The following FGF7 variants were observed in gnomAD, a reference collection of about 807,000 sequenced individuals.
FGF7 encodes the protein FGF-7.
FGF7 carries 6 observed loss-of-function variants against 20.5 expected under a neutral mutation model. That is an observed-to-expected ratio of 0.29 (90% CI 0.16 to 0.58). FGF7 has a LOEUF of 0.58. Among genes scored for constraint, FGF7 ranks in the 20% least tolerant of loss-of-function variants. The pLI is 0.90. For synonymous variants in FGF7, 64 were observed against 74.7 expected, an observed-to-expected ratio of 0.86 and a Z score of 0.74; for missense variants, 144 against 228.8, an observed-to-expected ratio of 0.63 and a Z score of 2.39.
At chr15:49,436,549 G>A (rs1211657565) in intron 2 of FGF7, among the ~76,000 whole-genome samples, 1 of 151,562 alleles carries the variant, frequency 6.6e-6, no homozygotes, top group Non-Finnish European at 1.5e-5. Context: ...AATTAAATGT[G>A]TGAGTGGTTT....
intron 2 of FGF7, among the ~76,000 whole-genome samples, chr15:49,463,932 T>TTTTG (rs59867101): frequency 0.3 from 45,509 of 151,752 alleles, 7,171 homozygotes; most frequent in East Asian, 0.38. Flanking sequence ...TTTGTTTGTT[T>TTTTG]TTTGTTTGTT....
intron 2 of FGF7, among the ~76,000 whole-genome samples, chr15:49,461,648 G>T (rs1176118184): frequency 1.3e-5 from 2 of 152,194 alleles, no homozygotes; most frequent in African/African-American, 4.8e-5. Flanking sequence ...TTCAGATAGT[G>T]CAGGTACAAT....
At chr15:49,440,923 A>C (rs1457230911) in intron 2 of FGF7, among the ~76,000 whole-genome samples, 1 of 151,794 alleles carries the variant, frequency 6.6e-6, no homozygotes, top group Non-Finnish European at 1.5e-5. Context: ...ACTGGTTATA[A>C]GTTGGTTTAG....
At chr15:49,463,542 T>C (rs1026091021) in intron 2 of FGF7, among the ~76,000 whole-genome samples, 10 of 134,752 alleles carry the variant, frequency 7.4e-5, no homozygotes, top group African/African-American at 2.9e-4. Context: ...CACAGTGAGA[T>C]TCCGTCTCAA....
chr15:49,464,932 C>A (rs2151943345), intron 2 of FGF7, among the ~76,000 whole-genome samples: 1 of 152,244 alleles, frequency 6.6e-6, no homozygotes, highest in Non-Finnish European at 1.5e-5. Flanking sequence ...TTTTGGCTAT[C>A]ATCTAGAATA....
At chr15:49,480,780 GCCATCC>G (rs1160266595) in intron 2 of FGF7, among the ~76,000 whole-genome samples, 1 of 152,172 alleles carries the variant, frequency 6.6e-6, no homozygotes, top group Non-Finnish European at 1.5e-5. Context: ...ACCACATCCA[GCCATCC>G]CCTTTGTAAA....
intron 2 of FGF7, among the ~76,000 whole-genome samples, chr15:49,469,027 A>G (rs1291422776): frequency 6.6e-6 from 1 of 152,244 alleles, no homozygotes; most frequent in Non-Finnish European, 1.5e-5. Flanking sequence ...TGTTTTATGT[A>G]TATGTATATA....
intron 2 of FGF7, among the ~76,000 whole-genome samples, chr15:49,433,078 T>C (rs534315668): frequency 3.3e-5 from 5 of 151,344 alleles, no homozygotes; most frequent in Admixed American, 6.6e-5. Context: ...ATTTACTGGC[T>C]AAAAATTATT....
chr15:49,434,951 A>G (rs539996068), intron 2 of FGF7, among the ~76,000 whole-genome samples: 12 of 151,616 alleles, frequency 7.9e-5, no homozygotes, highest in African/African-American at 2.9e-4. Context: ...GGAATAATAT[A>G]TTTTTTCTGA....
At chr15:49,474,073 A>T (rs2055027611) in intron 2 of FGF7, among the ~76,000 whole-genome samples, 1 of 152,178 alleles carries the variant, frequency 6.6e-6, no homozygotes, top group South Asian at 2.1e-4. Context: ...TATTATATTC[A>T]AACTCTAAAA....
At chr15:49,480,988 T>C (rs1174868896) in intron 2 of FGF7, among the ~76,000 whole-genome samples, 1 of 152,208 alleles carries the variant, frequency 6.6e-6, no homozygotes, top group Non-Finnish European at 1.5e-5. Context: ...CAGCAAACAT[T>C]ACAGATTCCA....
At chr15:49,472,585 T>A (rs2151971472) in intron 2 of FGF7, among the ~76,000 whole-genome samples, 2 of 152,282 alleles carry the variant, frequency 1.3e-5, no homozygotes, top group Middle Eastern at 6.8e-3. Context: ...GAATAAAAGT[T>A]GGGAACAATT....
intron 2 of FGF7, among the ~76,000 whole-genome samples, chr15:49,464,316 G>C (rs983995921): frequency 1.3e-5 from 2 of 152,026 alleles, no homozygotes; most frequent in African/African-American, 2.4e-5. Context: ...GTTCTTAAAA[G>C]AGAAACAGAA....
intron 2 of FGF7, among the ~76,000 whole-genome samples, chr15:49,473,963 T>C (rs1034086430): frequency 2.6e-5 from 4 of 152,136 alleles, no homozygotes; most frequent in African/African-American, 9.7e-5. Context: ...ACAGTTGACA[T>C]TTGCCTTTAT....
At chr15:49,478,034 G>C (rs2055519863) in intron 2 of FGF7, among the ~76,000 whole-genome samples, 1 of 152,136 alleles carries the variant, frequency 6.6e-6, no homozygotes, top group Non-Finnish European at 1.5e-5. Flanking sequence ...CCCAGGTACT[G>C]AGCGTAGTAC....
In FGF7 at chr15:49,476,232, G is replaced by GT; in HGVS notation, c.287-6906dup. Among the ~76,000 whole-genome samples the GT allele has an allele frequency of 2.5e-3, 145 of 57,444 alleles. 6 individuals carry two copies. Among genetic ancestry groups the GT allele is most frequent in the South Asian group, 0.021 (39 of 1,818 alleles). 37.7% of individuals were successfully genotyped at this position (57,444 alleles called of 152,430 possible). Reference sequence around the variant, plus strand: ...TTGCTGTTTTGTTTTTTTGTTTTTGGTTTTTTTTTTTTTGCATTTGGCATA... The same window carrying GT: ...TTGCTGTTTTGTTTTTTTGTTTTTGGTTTTTTTTTTTTTTGCATTTGGCATA... On this transcript the variant is annotated intron_variant, in intron 2 of 3. Transcript: ENST00000267843.
intron 2 of FGF7, among the ~76,000 whole-genome samples, chr15:49,477,701 T>C (rs554245291): frequency 6.6e-6 from 1 of 152,242 alleles, no homozygotes; most frequent in Non-Finnish European, 1.5e-5. Context: ...CCTGGGGGCA[T>C]GACTGCTGGA....
intron 3 of FGF7, 94 bp from the exon 4 acceptor site, chr15:49,484,216 C>T: frequency 1.2e-6 from 1 of 846,276 alleles, no homozygotes; most frequent in Non-Finnish European, 1.8e-6. Context: ...GTGTATGTTT[C>T]AATTCTACCA....
At chr15:49,443,482 T>C (rs79114847) in intron 2 of FGF7, among the ~76,000 whole-genome samples, 3,566 of 151,788 alleles carry the variant, frequency 0.023, 91 homozygotes, top group South Asian at 0.13. Flanking sequence ...ATTTTGTTGA[T>C]GGTCTACATT....
Sources: allele counts gnomAD v4.1 joint callset (sites outside exome capture counted in the v4.1 genomes callset), GRCh38; gene constraint gnomAD v4.1.1; transcripts MANE v1.5; gene names NCBI Gene and HGNC (gene_info 2026-07-23, HGNC 2026-07-21).